PTX4: variants seen among roughly 807,000 people sequenced by gnomAD.
PTX4 encodes the protein pentraxin-4.
Under a neutral mutation model 19.1 loss-of-function variants are expected in PTX4, and 23 were observed. That is an observed-to-expected ratio of 1.20 (90% CI 0.87 to 1.70). PTX4 has a LOEUF of 1.70. Ranked by LOEUF, PTX4 falls within the 40% of genes most tolerant of loss-of-function variation. PTX4 has a pLI of 0.00. For synonymous variants in PTX4, 317 were observed against 279.6 expected, an observed-to-expected ratio of 1.13 and a Z score of -1.33; for missense variants, 678 against 610.5, an observed-to-expected ratio of 1.11 and a Z score of -1.17.
rs751763781 is a variant in PTX4 at position 1,487,924 on chromosome 16, G to C, written c.188C>G (p.Ala63Gly). The change falls in exon 2 of 3, where the codon GCC becomes GGC. Residue 63 changes from alanine (A) to glycine (G), a missense_variant. By Grantham distance (60) the Ala-to-Gly change is moderately conservative (BLOSUM62 0). Coordinates refer to ENST00000447419, the MANE Select transcript of PTX4 (RefSeq NM_001328608.2). ...EVTWTHLQNI[A>G]SNYNVSYNVD... ...GTTGTAGGACACGTTGTAGTTGCTGGCGATGTTCTGCAGGTGTGTCCAGGT... is the reference window on the plus strand; with the variant it reads ...GTTGTAGGACACGTTGTAGTTGCTGCCGATGTTCTGCAGGTGTGTCCAGGT... The C allele has an allele frequency of 5.0e-6, 8 of 1,607,632 alleles. No homozygotes were observed. The East Asian group carries it at 1.6e-4, about 31-fold the overall frequency.
intron 1 of PTX4, chr16:1,488,254 C>A: frequency 6.4e-7 from 1 of 1,551,900 alleles, no homozygotes; most frequent in Non-Finnish European, 8.8e-7. Flanking sequence ...CGGCAAGTCA[C>A]TTTCCCTCGT....
Position 1,487,585 on chromosome 16 carries a change from G to T in PTX4, c.527C>A (p.Pro176His). 6.4e-7 allele frequency: 1 copy of T among 1,554,718 alleles called. No individual in the cohort carries two copies. The highest frequency in any genetic ancestry group is 1.4e-5 in the African/African-American group (1 of 73,476). The change falls in exon 2 of 3, where the codon CCC (proline) becomes CAC (histidine). Residue 176 changes from proline to histidine, a missense_variant. Pro to His is a moderately conservative substitution (Grantham distance 77). Coordinates refer to ENST00000447419, the MANE Select transcript of PTX4 (RefSeq NM_001328608.2). ...ARLAALEGRL[P>H]VAHPGTAALG... ...GGCTGCAGTGCCAGGGTGGGCCACG[G>T]GCAGCCGCCCCTCCAGAGCAGCCAG...
At position 1,487,594 on chromosome 16, in the gene PTX4, C is replaced by G; in HGVS notation, c.518G>C (p.Gly173Ala). 6.4e-7 allele frequency: 1 copy of G among 1,560,298 alleles called. No homozygotes were observed. The highest frequency in any genetic ancestry group is 8.7e-7 in the Non-Finnish European group (1 of 1,152,488). ...SQGARLAALE[G>A]RLPVAHPGTA... ...GCCAGGGTGGGCCACGGGCAGCCGC[C>G]CCTCCAGAGCAGCCAGCCTGGCGCC... The change falls in exon 2 of 3, where the codon GGG becomes GCG. Residue 173 changes from glycine to alanine, a missense_variant. Coordinates refer to ENST00000447419, the MANE Select transcript of PTX4 (RefSeq NM_001328608.2).
At chr16:1,488,161 A>G (rs2039267428) in intron 1 of PTX4, among the ~76,000 whole-genome samples, 191 bp from the exon 2 acceptor site, 1 of 152,200 alleles carries the variant, frequency 6.6e-6, no homozygotes, top group Non-Finnish European at 1.5e-5. Context: ...GACTGACCCC[A>G]GGCCATGCAG....
Position 1,486,293 on chromosome 16 carries a change from G to A in PTX4, c.1083C>T (p.His361=). 6.2e-7 allele frequency: 1 copy of A among 1,613,722 alleles called. No individual in the cohort carries two copies. The change falls in exon 3 of 3, where the codon CAC becomes CAT. Residue 361 remains histidine (H), a synonymous_variant. Coordinates refer to ENST00000447419, the MANE Select transcript of PTX4 (RefSeq NM_001328608.2). The part of the protein sequence containing the change: ...PLQLLLDGQW[H]HICVIWTSTQ... ...TGGACGTCCAGATGACACAGATGTG[G>A]TGCCACTGGCCGTCCAGCAGCAGCT... is the stretch of plus-strand genomic sequence containing the variant.
At chr16:1,486,672 C>G in intron 2 of PTX4, 93 bp from the exon 3 acceptor site, 2 of 1,321,790 alleles carry the variant, frequency 1.5e-6, no homozygotes, top group Non-Finnish European at 2.0e-6. Flanking sequence ...CCTCCCACTC[C>G]CGGCTGCCAC....
At chr16:1,488,317 T>C in intron 1 of PTX4, 2 of 1,609,160 alleles carry the variant, frequency 1.2e-6, no homozygotes, top group South Asian at 2.2e-5. Context: ...TCATGAGTGC[T>C]TTACGAGGCC....
rs2039265641 is a variant in PTX4, at chr16:1,487,963, C to A, written c.149G>T (p.Arg50Ile). ...GTGTGTCCAGGTCACCTCCTGGAAT[C>A]TCCGGAACTGTAAGGAGGACACGGT... Reference protein sequence around the residue: ...RLRRLEEQFRRFQEVTWTHLQ... With the variant: ...RLRRLEEQFRIFQEVTWTHLQ... Residue 50 changes from arginine to isoleucine, a missense_variant, in exon 2 of 3, where the codon AGA becomes ATA. Arg to Ile is a moderately conservative substitution (Grantham distance 97). Coordinates refer to ENST00000447419, the MANE Select transcript of PTX4 (RefSeq NM_001328608.2). 1.3e-6 allele frequency: 2 copies of A among 1,579,122 alleles called. No individual in the cohort carries two copies. Among genetic ancestry groups the A allele is most frequent in the Non-Finnish European group, 8.6e-7 (1 of 1,158,588 alleles).
rs1410061302 is a variant in PTX4, at chr16:1,487,796, C to A, written c.316G>T (p.Ala106Ser). ...CGGCGCTGCAGCTTCCTCACCCAGG[C>A]CTTGAGCTGCGCCAGCTCCCCCTGC... Reference protein sequence around the residue: ...SVQGELAQLKAWVRKLQRRGR... With the variant: ...SVQGELAQLKSWVRKLQRRGR... The change falls in exon 2 of 3, where the codon GCC becomes TCC. Residue 106 changes from alanine to serine, a missense_variant. Coordinates refer to ENST00000447419, the MANE Select transcript of PTX4 (RefSeq NM_001328608.2). 7 of 1,613,028 alleles carry A rather than the reference C, an allele frequency of 4.3e-6. No homozygotes were observed. Among genetic ancestry groups the A allele is most frequent in the South Asian group, 1.1e-5 (1 of 91,070 alleles).
At position 1,486,191 on chromosome 16, in the gene PTX4, G is replaced by GA. The variant is rs372792020; in HGVS notation, c.1184dup (p.Gly398ArgfsTer?). 81 of 1,613,708 alleles carry GA rather than the reference G, an allele frequency of 5.0e-5. No homozygotes were observed. In the Middle Eastern group the frequency reaches 9.9e-4, roughly 20 times the overall value. ...CCAGCACGAGGGACCCTCCGGGGGG[G>GA]ATCTCATAGCCCTCCCTGAAGCGGG... On this transcript the variant is annotated frameshift_variant, in exon 3 of 3. Coordinates refer to ENST00000447419, the MANE Select transcript of PTX4 (RefSeq NM_001328608.2). LOFTEE classifies it low-confidence loss of function (END_TRUNC).
rs1005479057 is a variant in PTX4 at position 1,486,644 on chromosome 16, C to T, written c.797-65G>A. ...CCGAGCAGAAGCATCCAGAAGCACA[C>T]GTGCTGTGGGTGCCTGGCCTCCCAC... On this transcript the variant is annotated intron_variant, in intron 2 of 2. Coordinates refer to ENST00000447419, the MANE Select transcript of PTX4 (RefSeq NM_001328608.2). 71 of 1,477,836 alleles carry T rather than the reference C, an allele frequency of 4.8e-5. No homozygotes were observed. The Middle Eastern group carries it at 5.8e-4, about 12-fold the overall frequency. The allele number at this position is 1,477,836 out of a possible 1,614,324, so 91.5% of individuals were successfully genotyped here.
intron 2 of PTX4, 61 bp from the exon 3 acceptor site, chr16:1,486,640 C>A: frequency 1.3e-6 from 2 of 1,487,408 alleles, no homozygotes. Context: ...CATCCAGAAG[C>A]ACACGTGCTG....
At position 1,486,007 on chromosome 16, in the gene PTX4, C is replaced by A; in HGVS notation, c.1369G>T (p.Ala457Ser). ...AATCCGCCTGCTAGTGCAGCATTGGCCAGCGTCAGGATGGCACCTGTCGGG... is the reference window on the plus strand; with the variant it reads ...AATCCGCCTGCTAGTGCAGCATTGGACAGCGTCAGGATGGCACCTGTCGGG... ...EFPTGAILTL[A>S]NAALAGGFVQ... The change falls in exon 3 of 3, where the codon GCC (alanine) becomes TCC (serine). Residue 457 changes from alanine to serine, a missense_variant. Physicochemically the swap from Ala to Ser is moderately conservative, Grantham distance 99. Transcript: ENST00000447419. The A allele has an allele frequency of 1.9e-6, 3 of 1,613,696 alleles. No individual in the cohort carries two copies. The highest frequency in any genetic ancestry group is 2.5e-6 in the Non-Finnish European group (3 of 1,179,974).
At chr16:1,488,030 G>A (rs2039266463) in intron 1 of PTX4, 60 bp from the exon 2 acceptor site, 5 of 1,488,176 alleles carry the variant, frequency 3.4e-6, no homozygotes, top group Non-Finnish European at 3.6e-6. Context: ...GGCGGGACGG[G>A]AAAGGCTTTG....
In PTX4 at chr16:1,486,472, A is replaced by C. The variant is rs1391407315; in HGVS notation, c.904T>G (p.Trp302Gly). 1 of 1,613,176 alleles carries C rather than the reference A, an allele frequency of 6.2e-7. No individual in the cohort carries two copies. The highest frequency in any genetic ancestry group is 1.3e-5 in the African/African-American group (1 of 74,914). Residue 302 changes from tryptophan (W) to glycine (G), a missense_variant, in exon 3 of 3, where the codon TGG (tryptophan) becomes GGG (glycine). Coordinates refer to ENST00000447419, the MANE Select transcript of PTX4 (RefSeq NM_001328608.2). ...AGGCGGCCGGAGGCCGTGCGGACCC[A>C]GCTGCAGAAGGACAGGGCTCGCAGG... is the stretch of plus-strand genomic sequence containing the variant. ...TALRALSFCS[W>G]VRTASGRLGT...
In PTX4 at chr16:1,488,803, G is replaced by C. The variant is rs1229724639; in HGVS notation, c.107C>G (p.Pro36Arg). ...QEAAPVGPRK[P>R]FFERLRRLEE... ...CAGCCTACGGAGCCTCTCGAAAAAC[G>C]GTTTCCTGGGCCCCACTGGGGCGGC... Residue 36 changes from proline to arginine, a missense_variant, in exon 1 of 3, where the codon CCG becomes CGG. Coordinates refer to ENST00000447419, the MANE Select transcript of PTX4 (RefSeq NM_001328608.2). The C allele has an allele frequency of 4.3e-6, 3 of 702,138 alleles. No individual in the cohort carries two copies. The South Asian group carries it at 4.4e-5, about 10-fold the overall frequency. 43.5% of individuals were successfully genotyped at this position (702,138 alleles called of 1,614,324 possible). A position where few individuals can be genotyped will look rare whatever the true frequency, so the allele number is the denominator to read the frequency against.
intron 1 of PTX4, chr16:1,488,382 C>T: frequency 1.2e-6 from 2 of 1,613,936 alleles, no homozygotes; most frequent in Non-Finnish European, 1.7e-6. Flanking sequence ...CCGGAACTGT[C>T]CGTGGACCCC....
chr16:1,488,026 A>C, intron 1 of PTX4, 56 bp from the exon 2 acceptor site: 2 of 1,499,810 alleles, frequency 1.3e-6, no homozygotes, highest in South Asian at 1.3e-5. Context: ...GCTGGGCGGG[A>C]CGGGAAAGGC....
Position 1,487,358 on chromosome 16 carries a change from CT to C in PTX4, c.753del (p.Asp252ThrfsTer90). 1 of 1,558,062 alleles carries C rather than the reference CT, an allele frequency of 6.4e-7. No homozygotes were observed. The highest frequency in any genetic ancestry group is 1.4e-5 in the African/African-American group (1 of 71,662). ...GGGGACCATGCCTGCTGCCGAGGGT[CT>C]TTTGGGGCAGTCCCACTGAGTACCC... ...SHRVLSGTAP[K>X]DPRQQAWSPQ... On this transcript the variant is annotated frameshift_variant, in exon 2 of 3. Coordinates refer to ENST00000447419, the MANE Select transcript of PTX4 (RefSeq NM_001328608.2). LOFTEE classifies it low-confidence loss of function (END_TRUNC).
Sources: gnomAD v4.1 joint callset for allele counts (sites outside exome capture counted in the v4.1 genomes callset) on GRCh38, gnomAD v4.1.1 for gene constraint, MANE v1.5 for transcripts, NCBI Gene and HGNC (gene_info 2026-07-23, HGNC 2026-07-21) for gene names.